The following DGKH variants were observed in gnomAD, a reference collection of about 807,000 sequenced individuals.
The protein encoded by DGKH is diacylglycerol kinase eta, also known as DAG kinase eta.
A neutral mutation model predicts 159.3 loss-of-function variants in DGKH; 90 were observed. That is an observed-to-expected ratio of 0.57 (90% CI 0.48 to 0.67). DGKH has a LOEUF of 0.67. Ranked by LOEUF, DGKH falls within the 30% of genes least tolerant of loss-of-function variation. The pLI, the probability that DGKH is intolerant of heterozygous loss-of-function variation, is 0.00. For missense variants in DGKH, 1,181 were observed against 1,506.1 expected, an observed-to-expected ratio of 0.78 and a Z score of 3.57; for synonymous variants, 536 against 553.8, an observed-to-expected ratio of 0.97 and a Z score of 0.45.
chr13:42,079,698 G>T (rs574808074), intron 1 of DGKH, among the ~76,000 whole-genome samples: 1 of 152,222 alleles, frequency 6.6e-6, no homozygotes, highest in South Asian at 2.1e-4. Context: ...AACTTTGTAT[G>T]ATCATGTCGA....
At chr13:42,161,947 G>C (rs536700011) in intron 7 of DGKH, among the ~76,000 whole-genome samples, 183 of 152,060 alleles carry the variant, frequency 1.2e-3, no homozygotes, top group African/African-American at 4.1e-3. Flanking sequence ...GAGTTAATTA[G>C]GTTTATTACT....
chr13:42,189,350 A>AT, intron 15 of DGKH, 41 bp downstream of exon 15: 1 of 1,609,626 alleles, frequency 6.2e-7, no homozygotes, highest in Middle Eastern at 1.7e-4. Flanking sequence ...AGTTGGCAGC[A>AT]TTTCTACTGC....
intron 1 of DGKH, among the ~76,000 whole-genome samples, chr13:42,050,856 TAAAC>T (rs1408689675): frequency 6.6e-6 from 1 of 152,000 alleles, no homozygotes; most frequent in Non-Finnish European, 1.5e-5. Flanking sequence ...GACTGTCTCT[TAAAC>T]AAACAAGCAA....
intron 1 of DGKH, among the ~76,000 whole-genome samples, chr13:42,041,636 C>G (rs1215988842): frequency 6.6e-6 from 1 of 152,188 alleles, no homozygotes. Context: ...ACTTCCTTCT[C>G]TCTTCCGATT....
At chr13:42,143,427 GA>G (rs1477754539) in intron 3 of DGKH, among the ~76,000 whole-genome samples, 1 of 152,194 alleles carries the variant, frequency 6.6e-6, no homozygotes, top group Non-Finnish European at 1.5e-5. Context: ...ATGAGTTAGG[GA>G]GGATTCCTTC....
In DGKH at chr13:42,114,222, C is replaced by G. The variant is rs996211972; in HGVS notation, c.193-13241C>G. Reference sequence around the variant, plus strand: ...AACAGCTAATTGCTTATATTTGCCACAGGGACAATTTGCAAGTGAGGAGAT... The same window carrying G: ...AACAGCTAATTGCTTATATTTGCCAGAGGGACAATTTGCAAGTGAGGAGAT... On this transcript the variant is annotated intron_variant, in intron 1 of 29. Coordinates refer to ENST00000337343, the MANE Select transcript of DGKH (RefSeq NM_178009.5). Among the ~76,000 whole-genome samples the G allele has an allele frequency of 1.2e-4, 19 of 152,016 alleles. 1 individual carries two copies. The highest frequency in any genetic ancestry group is 2.5e-4 in the Non-Finnish European group (17 of 68,002).
intron 3 of DGKH, among the ~76,000 whole-genome samples, chr13:42,154,183 A>G (rs1019184848): frequency 2.6e-5 from 4 of 152,216 alleles, no homozygotes; most frequent in Non-Finnish European, 4.4e-5. Flanking sequence ...CTATAATCCA[A>G]TGTAATGTTT....
chr13:42,215,571 C>T lies in DGKH; in HGVS notation c.3121-4C>T, dbSNP rs1347510375. On this transcript the variant is annotated splice_region_variant and splice_polypyrimidine_tract_variant and intron_variant, in intron 25 of 29. Coordinates refer to ENST00000337343, the MANE Select transcript of DGKH (RefSeq NM_178009.5). ...CACATGTCTTTGATATTCTTCTTTT[C>T]TAGAGTCTTACAAGAGACACTGCCA... 6.2e-7 allele frequency: 1 copy of T among 1,600,716 alleles called. No individual in the cohort carries two copies. The highest frequency in any genetic ancestry group is 2.2e-5 in the East Asian group (1 of 44,782).
At chr13:42,070,882 C>A in intron 1 of DGKH, 1 of 1,295,606 alleles carries the variant, frequency 7.7e-7, no homozygotes, top group South Asian at 1.2e-5. Context: ...ATGGTCAAGT[C>A]TTCTAATAAT....
At chr13:42,151,701 G>C (rs1955909118) in intron 3 of DGKH, among the ~76,000 whole-genome samples, 1 of 150,592 alleles carries the variant, frequency 6.6e-6, no homozygotes, top group Admixed American at 6.6e-5. Flanking sequence ...ATGGATACTG[G>C]ATACTTAGGT....
intron 1 of DGKH, among the ~76,000 whole-genome samples, chr13:42,058,111 A>G (rs1881890141): frequency 6.6e-6 from 1 of 152,200 alleles, no homozygotes; most frequent in East Asian, 1.9e-4. Flanking sequence ...GCCCCTCAGA[A>G]GGTTAAAACC....
intron 1 of DGKH, among the ~76,000 whole-genome samples, chr13:42,058,216 G>T (rs1566079111): frequency 6.6e-6 from 1 of 152,164 alleles, no homozygotes; most frequent in Non-Finnish European, 1.5e-5. Flanking sequence ...ATCGTTGATA[G>T]ATTCATGGAA....
At chr13:42,094,312 A>T (rs2137755593) in intron 1 of DGKH, among the ~76,000 whole-genome samples, 1 of 152,342 alleles carries the variant, frequency 6.6e-6, no homozygotes, top group Admixed American at 6.5e-5. Flanking sequence ...CTAACAATTG[A>T]TCAACTCTGA....
chr13:42,073,342 G>A (rs1883099536), intron 1 of DGKH, among the ~76,000 whole-genome samples: 1 of 152,208 alleles, frequency 6.6e-6, no homozygotes, highest in Admixed American at 6.5e-5. Flanking sequence ...TATAGTGGGG[G>A]AGACAGCTAT....
intron 12 of DGKH, 65 bp from the exon 13 acceptor site, chr13:42,178,070 C>G: frequency 8.2e-7 from 1 of 1,212,212 alleles, no homozygotes; most frequent in Non-Finnish European, 1.2e-6. Flanking sequence ...ATTTCTGGAG[C>G]AGCAATAAGT....
chr13:42,248,618 A>AATATATATTATTTGTAATATATAATTATG (rs1566238608), intron 29 of DGKH, among the ~76,000 whole-genome samples: 1 of 147,688 alleles, frequency 6.8e-6, no homozygotes, highest in Non-Finnish European at 1.5e-5. Flanking sequence ...TATAATACAT[A>AATATATATTATTTGTAATATATAATTATG]ATATATATTA....
chr13:42,193,550 T>G (rs1016944559), intron 16 of DGKH, among the ~76,000 whole-genome samples: 1 of 152,192 alleles, frequency 6.6e-6, no homozygotes, highest in Non-Finnish European at 1.5e-5. Flanking sequence ...ATACCGTATA[T>G]TAATATGATT....
chr13:42,051,646 CTTTTTTTTTT>C (rs56413015), intron 1 of DGKH, among the ~76,000 whole-genome samples: 4 of 50,128 alleles, frequency 8.0e-5, no homozygotes, highest in Non-Finnish European at 1.4e-4. Flanking sequence ...TCAAAGCCAT[CTTTTTTTTTT>C]TTTTTTTTTT....
chr13:42,182,474 A>G (rs1388476649), intron 13 of DGKH, among the ~76,000 whole-genome samples: 1 of 152,206 alleles, frequency 6.6e-6, no homozygotes, highest in Non-Finnish European at 1.5e-5. Context: ...CAAGTCCCTC[A>G]TAGAAAATGC....
Sources: allele counts gnomAD v4.1 joint callset (sites outside exome capture counted in the v4.1 genomes callset), GRCh38; gene constraint gnomAD v4.1.1; transcripts MANE v1.5; gene names NCBI Gene and HGNC (gene_info 2026-07-23, HGNC 2026-07-21).